CDC73: variants seen among roughly 807,000 people sequenced by gnomAD.
The protein encoded by CDC73 is parafibromin.
A neutral mutation model predicts 83.7 loss-of-function variants in CDC73; 21 were observed. The observed-to-expected ratio is 0.25, with a 90% CI of 0.18 to 0.36. CDC73 has a LOEUF of 0.36. Among genes scored for constraint, CDC73 ranks in the 10% least tolerant of loss-of-function variants. CDC73 has a pLI of 1.00. For missense variants in CDC73, 342 were observed against 653.3 expected (o/e 0.52, Z 5.19); for synonymous variants, 224 against 212.9 (o/e 1.05, Z -0.45).
intron 3 of CDC73, among the ~76,000 whole-genome samples, chr1:193,131,000 T>A (rs1366891273): frequency 6.6e-6 from 1 of 152,198 alleles, no homozygotes; most frequent in Non-Finnish European, 1.5e-5. Context: ...ATCTTTTCTT[T>A]TAACCTGTAT....
At chr1:193,217,325 C>T (rs1244691247) in intron 13 of CDC73, among the ~76,000 whole-genome samples, 1 of 152,118 alleles carries the variant, frequency 6.6e-6, no homozygotes, top group Admixed American at 6.5e-5. Flanking sequence ...TCTACCTTAT[C>T]ACAAGGACAA....
At chr1:193,227,144 G>A (rs530363019) in intron 13 of CDC73, among the ~76,000 whole-genome samples, 11 of 151,972 alleles carry the variant, frequency 7.2e-5, no homozygotes, top group Admixed American at 3.9e-4. Flanking sequence ...TTTGTCTTTC[G>A]GTGGTGTCAG....
intron 10 of CDC73, among the ~76,000 whole-genome samples, chr1:193,182,934 GA>G (rs1676742052): frequency 6.6e-6 from 1 of 151,904 alleles, no homozygotes; most frequent in Non-Finnish European, 1.5e-5. Context: ...TTAAGCAAAA[GA>G]AATCAATTAA....
intron 10 of CDC73, among the ~76,000 whole-genome samples, chr1:193,201,090 C>CG (rs66459809): frequency 1.9e-4 from 29 of 151,452 alleles, no homozygotes; most frequent in South Asian, 1.0e-3. Flanking sequence ...TGTGTATTGG[C>CG]GGGGGTGGGT....
intron 15 of CDC73, among the ~76,000 whole-genome samples, chr1:193,247,668 A>T (rs1357412331): frequency 2.0e-5 from 3 of 152,138 alleles, no homozygotes; most frequent in African/African-American, 7.2e-5. Context: ...GTCGACACAC[A>T]AATAATAAGA....
intron 10 of CDC73, among the ~76,000 whole-genome samples, chr1:193,196,675 G>A (rs956851791): frequency 6.6e-6 from 1 of 152,114 alleles, no homozygotes; most frequent in African/African-American, 2.4e-5. Context: ...CCTTGGTTAA[G>A]TTTATTCCTA....
chr1:193,187,641 G>A (rs904694263), intron 10 of CDC73, among the ~76,000 whole-genome samples: 35 of 152,060 alleles, frequency 2.3e-4, no homozygotes, highest in Admixed American at 2.2e-3. Context: ...TAAGCTAAAG[G>A]TTAACAGTTA....
intron 10 of CDC73, among the ~76,000 whole-genome samples, chr1:193,184,276 A>T (rs1483224496): frequency 1.3e-5 from 2 of 151,864 alleles, no homozygotes; most frequent in Non-Finnish European, 2.9e-5. Flanking sequence ...GGTCTTATAA[A>T]TTTTTTTGTT....
At chr1:193,180,217 A>G in intron 10 of CDC73, 1 of 1,279,990 alleles carries the variant, frequency 7.8e-7, no homozygotes, top group Non-Finnish European at 1.0e-6. Flanking sequence ...AACTTGTCCT[A>G]CGGATGTAAT....
At chr1:193,218,277 TC>T (rs1222962450) in intron 13 of CDC73, among the ~76,000 whole-genome samples, 4 of 152,054 alleles carry the variant, frequency 2.6e-5, no homozygotes, top group Non-Finnish European at 5.9e-5. Context: ...CACAAACAAA[TC>T]GAAAAACATT....
intron 13 of CDC73, among the ~76,000 whole-genome samples, chr1:193,227,126 A>G (rs1677579350): frequency 6.6e-6 from 1 of 152,094 alleles, no homozygotes; most frequent in Non-Finnish European, 1.5e-5. Flanking sequence ...AGTAGCCTTG[A>G]ATGATATTTT....
At chr1:193,153,829 C>A (rs1339723169) in intron 10 of CDC73, among the ~76,000 whole-genome samples, 1 of 151,988 alleles carries the variant, frequency 6.6e-6, no homozygotes. Context: ...GACAGATGAG[C>A]CTTGTTTAGA....
chr1:193,127,277 G>GA lies in CDC73; in HGVS notation c.237+2072dup, dbSNP rs1296571652. 7.4e-4 allele frequency among the ~76,000 whole-genome samples: 84 copies of GA among 113,094 alleles called. 1 individual carries two copies. The East Asian group carries it at 0.015, about 20-fold the overall frequency. 74.2% of individuals were successfully genotyped at this position (113,094 alleles called of 152,430 possible). On this transcript the variant is annotated intron_variant, in intron 2 of 16. Coordinates refer to ENST00000367435, the MANE Select transcript of CDC73 (RefSeq NM_024529.5). ...GATAGAGCAAAGACTCTGTCTCAGGGAAAAAAAAAAAATGTGTGTGTGTGT... is the reference window on the plus strand; with the variant it reads ...GATAGAGCAAAGACTCTGTCTCAGGGAAAAAAAAAAAAATGTGTGTGTGTGT...
intron 14 of CDC73, among the ~76,000 whole-genome samples, chr1:193,234,476 T>G (rs1677724735): frequency 6.6e-6 from 1 of 151,536 alleles, no homozygotes. Context: ...ATCACTTGTA[T>G]TTTATGTTTG....
intron 11 of CDC73, among the ~76,000 whole-genome samples, chr1:193,209,926 A>C (rs1330324464): frequency 2.6e-5 from 4 of 151,642 alleles, no homozygotes; most frequent in Non-Finnish European, 5.9e-5. Context: ...AGTTCCCTTT[A>C]GTCATAATAG....
At chr1:193,179,691 AAG>A (rs1355616183) in intron 10 of CDC73, 2 of 152,600 alleles carry the variant, frequency 1.3e-5, no homozygotes, top group Non-Finnish European at 2.9e-5. Context: ...GTATTAATAA[AAG>A]AAATTTAAAA....
chr1:193,181,321 T>C (rs774361824), intron 10 of CDC73: 1 of 1,614,100 alleles, frequency 6.2e-7, no homozygotes, highest in Non-Finnish European at 8.5e-7. Flanking sequence ...TTTCCAAATG[T>C]TCCGAAGGGA....
chr1:193,206,134 ATAAAAT>A (rs963784574), intron 11 of CDC73, among the ~76,000 whole-genome samples: 16 of 152,282 alleles, frequency 1.1e-4, no homozygotes, highest in Middle Eastern at 3.4e-3. Context: ...GTGTCTTGTG[ATAAAAT>A]TAAAGGGACT....
chr1:193,149,376 G>A (rs77337552), intron 8 of CDC73, among the ~76,000 whole-genome samples: 1,619 of 144,120 alleles, frequency 0.011, 31 homozygotes, highest in African/African-American at 0.038. Flanking sequence ...CTTATTAGAT[G>A]TTTTTTTTTT....
Sources: gnomAD v4.1 joint callset for allele counts (sites outside exome capture counted in the v4.1 genomes callset) on GRCh38, gnomAD v4.1.1 for gene constraint, MANE v1.5 for transcripts, NCBI Gene and HGNC (gene_info 2026-07-23, HGNC 2026-07-21) for gene names.